The following MORC3 variants were observed in gnomAD, a reference collection of about 807,000 sequenced individuals.
MORC3 encodes the protein MORC family CW-type zinc finger protein 3.
Under a neutral mutation model 109.1 loss-of-function variants are expected in MORC3, and 31 were observed. The ratio of observed to expected loss-of-function variants is 0.28; its 90% CI spans 0.21 to 0.38. The LOEUF (loss-of-function observed/expected upper bound fraction) is 0.38, where lower values mean the gene tolerates loss of function less well. MORC3 is among the 10% of genes least tolerant of loss of function. The probability of loss-of-function intolerance (pLI) is 1.00; values close to 1 mark genes in which losing one functional copy is unlikely to be tolerated. For synonymous variants in MORC3, 395 were observed against 380.7 expected (o/e 1.04, Z -0.44); for missense variants, 867 against 1,135.8 (o/e 0.76, Z 3.40).
chr21:36,359,179 C>T (rs1569104579), intron 10 of MORC3, among the ~76,000 whole-genome samples: 1 of 152,102 alleles, frequency 6.6e-6, no homozygotes, highest in African/African-American at 2.4e-5. Context: ...AGACACTAAA[C>T]ATAAAGTTCA....
intron 14 of MORC3, among the ~76,000 whole-genome samples, chr21:36,367,468 A>G (rs1192654487): frequency 3.3e-5 from 5 of 152,256 alleles, no homozygotes; most frequent in African/African-American, 1.2e-4. Flanking sequence ...ATTGGGGGAA[A>G]GTGATGTAAA....
chr21:36,352,910 G>T lies in MORC3; in HGVS notation c.1103+3502G>T, dbSNP rs1195415710. Among the ~76,000 whole-genome samples the T allele has an allele frequency of 1.1e-4, 16 of 151,334 alleles. No individual in the cohort carries two copies. In the Admixed American group the frequency reaches 1.1e-3, roughly 10 times the overall value. ...CATGTGAGCCTAGGAGTTTGAAGCT[G>T]CAGTGAGCTGTGATAGTGCCACTGC... is the stretch of plus-strand genomic sequence containing the variant. On this transcript the variant is annotated intron_variant, in intron 9 of 16. Coordinates refer to ENST00000400485, the MANE Select transcript of MORC3 (RefSeq NM_015358.3).
intron 1 of MORC3, among the ~76,000 whole-genome samples, chr21:36,329,798 G>T (rs1458330422): frequency 6.6e-6 from 1 of 151,826 alleles, no homozygotes; most frequent in African/African-American, 2.4e-5. Flanking sequence ...TTTGTCTCTT[G>T]TGGAAAAAAA....
chr21:36,330,589 G>C (rs1357452950), intron 1 of MORC3, among the ~76,000 whole-genome samples: 3 of 152,168 alleles, frequency 2.0e-5, no homozygotes, highest in African/African-American at 7.2e-5. Flanking sequence ...TGAGGGCTGT[G>C]TCATGGGCCA....
intron 6 of MORC3, among the ~76,000 whole-genome samples, chr21:36,343,370 A>G (rs1244094101): frequency 6.6e-6 from 1 of 151,974 alleles, no homozygotes; most frequent in Non-Finnish European, 1.5e-5. Flanking sequence ...TTGGGATTAC[A>G]GGTGTGAACC....
intron 1 of MORC3, 176 bp from the exon 2 acceptor site, chr21:36,333,470 T>C (rs1273621170): frequency 5.0e-6 from 3 of 598,970 alleles, no homozygotes; most frequent in Non-Finnish European, 8.8e-6. Context: ...TGGTTCCCAG[T>C]GTTATCTTCC....
intron 1 of MORC3, among the ~76,000 whole-genome samples, chr21:36,321,835 C>G (rs1037925523): frequency 6.6e-6 from 1 of 152,160 alleles, no homozygotes; most frequent in South Asian, 2.1e-4. Context: ...ATTCTCTTCT[C>G]CCTTCCCGCC....
intron 10 of MORC3, among the ~76,000 whole-genome samples, chr21:36,357,584 A>G (rs1166578599): frequency 6.6e-6 from 1 of 151,454 alleles, no homozygotes; most frequent in Non-Finnish European, 1.5e-5. Flanking sequence ...ACACATGCAT[A>G]CTTTATAAGC....
chr21:36,321,560 T>C (rs1448330867), intron 1 of MORC3, among the ~76,000 whole-genome samples: 4 of 152,088 alleles, frequency 2.6e-5, no homozygotes, highest in Admixed American at 2.0e-4. Context: ...TTTTTTTTTT[T>C]TTAACCACTG....
At chr21:36,367,506 A>G (rs1161544269) in intron 14 of MORC3, among the ~76,000 whole-genome samples, 1 of 152,144 alleles carries the variant, frequency 6.6e-6, no homozygotes, top group African/African-American at 2.4e-5. Context: ...TTTAGAATGA[A>G]AAGCTTAACA....
At chr21:36,320,435 G>A (rs1170670106) in intron 1 of MORC3, 132 bp downstream of exon 1, 1 of 898,776 alleles carries the variant, frequency 1.1e-6, no homozygotes, top group Non-Finnish European at 1.5e-6. Flanking sequence ...GGCCCGGGGA[G>A]GGGGCGGCCA....
chr21:36,357,059 C>T (rs894562365), intron 10 of MORC3, among the ~76,000 whole-genome samples: 1 of 152,214 alleles, frequency 6.6e-6, no homozygotes, highest in Non-Finnish European at 1.5e-5. Flanking sequence ...TTCATATTCT[C>T]ATTCTGCTTA....
In MORC3 at chr21:36,337,992, A is replaced by G. The variant is rs766999003; in HGVS notation, c.460+46A>G. 26 of 1,584,078 alleles carry G rather than the reference A, an allele frequency of 1.6e-5. No individual in the cohort carries two copies. In the Admixed American group the frequency reaches 4.2e-4, roughly 26 times the overall value. On this transcript the variant is annotated intron_variant, in intron 4 of 16. Transcript: ENST00000400485. The stretch of plus-strand genomic sequence containing the variant: ...TAAAAGCTGTGGAGAAACTGAAGAA[A>G]TAATTTGGAAACATTCTATGTTTTT...
chr21:36,358,617 CAAAAAATAATTA>C (rs1486282851), intron 10 of MORC3, among the ~76,000 whole-genome samples: 1 of 151,070 alleles, frequency 6.6e-6, no homozygotes, highest in Non-Finnish European at 1.5e-5. Context: ...AAAGTAGAAG[CAAAAAATAATTA>C]AAAAAATAAA....
At chr21:36,352,850 G>A (rs1370978979) in intron 9 of MORC3, among the ~76,000 whole-genome samples, 1 of 151,902 alleles carries the variant, frequency 6.6e-6, no homozygotes, top group Non-Finnish European at 1.5e-5. Flanking sequence ...CACATCTGTA[G>A]TCCCAGCTAC....
intron 1 of MORC3, among the ~76,000 whole-genome samples, chr21:36,323,702 C>T (rs1175693750): frequency 6.6e-6 from 1 of 152,100 alleles, no homozygotes; most frequent in Non-Finnish European, 1.5e-5. Flanking sequence ...TTAATAGAGC[C>T]TCTGCATTTT....
rs143250681 is a variant in MORC3 at position 36,374,822 on chromosome 21, C to T, written c.2667-321C>T. ...GAGAAGCTGAGACTACAGGTGTCGT[C>T]ACCAAGCCCGGCTAATATTTTGTGT... On this transcript the variant is annotated intron_variant, in intron 16 of 16. Transcript: ENST00000400485. 2.9e-4 allele frequency among the ~76,000 whole-genome samples: 44 copies of T among 152,180 alleles called. 1 individual carries two copies. Among genetic ancestry groups the T allele is most frequent in the Non-Finnish European group, 4.9e-4 (33 of 68,012 alleles).
rs2085699120 is a variant in MORC3, at chr21:36,360,344, A to G, written c.1406+86A>G. ...GGCAACATTATTTGATGCTTCTCCA[A>G]GGTAAAGCACCTGTAACTGAAAAAG... On this transcript the variant is annotated intron_variant, in intron 12 of 16. Coordinates refer to ENST00000400485, the MANE Select transcript of MORC3 (RefSeq NM_015358.3). The G allele has an allele frequency of 1.9e-5, 25 of 1,332,234 alleles. No homozygotes were observed. The South Asian group carries it at 3.0e-4, about 16-fold the overall frequency. The allele number at this position is 1,332,234 out of a possible 1,614,324, so 82.5% of individuals were successfully genotyped here.
At chr21:36,343,837 C>T (rs2146307570) in intron 6 of MORC3, among the ~76,000 whole-genome samples, 1 of 151,986 alleles carries the variant, frequency 6.6e-6, no homozygotes, top group Non-Finnish European at 1.5e-5. Context: ...GTAATTTTTG[C>T]TAAGGTCTTA....
Sources: allele counts gnomAD v4.1 joint callset (sites outside exome capture counted in the v4.1 genomes callset), GRCh38; gene constraint gnomAD v4.1.1; transcripts MANE v1.5; gene names NCBI Gene and HGNC (gene_info 2026-07-23, HGNC 2026-07-21).